CHP1: variants seen among roughly 807,000 people sequenced by gnomAD.
CHP1 encodes calcineurin like EF-hand protein 1, also known as calcineurin B homologous protein 1.
A neutral mutation model predicts 27.4 loss-of-function variants in CHP1; 11 were observed. The ratio of observed to expected loss-of-function variants is 0.40; its 90% confidence interval spans 0.25 to 0.67. The LOEUF (loss-of-function observed/expected upper bound fraction) is 0.67, where lower values mean the gene tolerates loss of function less well. CHP1 is among the 30% of genes least tolerant of loss of function. CHP1 has a pLI of 0.38. For missense variants in CHP1, 169 were observed against 251.3 expected (o/e 0.67, Z 2.22); for synonymous variants, 89 against 87.4 (o/e 1.02, Z -0.10).
intron 1 of CHP1, among the ~76,000 whole-genome samples, chr15:41,233,406 A>G (rs16971700): frequency 0.3 from 45,528 of 152,076 alleles, 9,790 homozygotes; most frequent in African/African-American, 0.61. Flanking sequence ...AATGGAAATG[A>G]CCTGGATGGG....
chr15:41,277,654 G>T (rs2047525733), intron 5 of CHP1, among the ~76,000 whole-genome samples: 1 of 152,166 alleles, frequency 6.6e-6, no homozygotes, highest in Non-Finnish European at 1.5e-5. Flanking sequence ...TGGGTGTGGT[G>T]TCACATCCCT....
intron 1 of CHP1, among the ~76,000 whole-genome samples, chr15:41,241,400 G>C (rs949840644): frequency 1.5e-4 from 23 of 152,212 alleles, no homozygotes; most frequent in Non-Finnish European, 3.2e-4. Flanking sequence ...CCATGTGCCT[G>C]GCACTTTGCC....
intron 2 of CHP1, among the ~76,000 whole-genome samples, chr15:41,245,378 G>A (rs564177971): frequency 1.3e-4 from 20 of 152,322 alleles, no homozygotes; most frequent in African/African-American, 4.6e-4. Context: ...CTACTCAGGA[G>A]GCTGAGGCAG....
chr15:41,244,379 A>G (rs1173237658), intron 2 of CHP1, among the ~76,000 whole-genome samples: 2 of 152,042 alleles, frequency 1.3e-5, no homozygotes, highest in African/African-American at 4.8e-5. Flanking sequence ...GGCTTTTAGG[A>G]AGTTGACCCA....
chr15:41,274,974 C>T (rs779428908), intron 5 of CHP1, among the ~76,000 whole-genome samples: 5 of 151,290 alleles, frequency 3.3e-5, no homozygotes, highest in East Asian at 2.0e-4. Flanking sequence ...TATTCTTAGT[C>T]GAGACGGGTT....
intron 1 of CHP1, among the ~76,000 whole-genome samples, chr15:41,238,202 G>C (rs924430087): frequency 6.6e-6 from 1 of 151,644 alleles, no homozygotes; most frequent in Non-Finnish European, 1.5e-5. Flanking sequence ...CTGTCACCCA[G>C]GTTGGAGTGG....
intron 4 of CHP1, among the ~76,000 whole-genome samples, chr15:41,266,918 T>G (rs750730231): frequency 6.6e-6 from 1 of 151,958 alleles, no homozygotes; most frequent in African/African-American, 2.4e-5. Context: ...GAGAATTGCT[T>G]GAACCCAGGA....
At chr15:41,252,927 G>GTTTTT (rs144891496) in intron 2 of CHP1, among the ~76,000 whole-genome samples, 7 of 65,790 alleles carry the variant, frequency 1.1e-4, no homozygotes, top group South Asian at 8.3e-4. Context: ...ATTTCACATG[G>GTTTTT]TTTTTTTTTT....
chr15:41,252,436 G>A (rs962795118), intron 2 of CHP1, among the ~76,000 whole-genome samples: 3 of 152,140 alleles, frequency 2.0e-5, no homozygotes, highest in Admixed American at 2.0e-4. Flanking sequence ...CAAAGTGCTG[G>A]AATTACAGGA....
At chr15:41,242,914 G>A (rs1342893810) in intron 1 of CHP1, among the ~76,000 whole-genome samples, 5 of 152,050 alleles carry the variant, frequency 3.3e-5, no homozygotes, top group African/African-American at 1.2e-4. Context: ...TTGCACTCCA[G>A]CCTGGGCAAC....
chr15:41,234,024 C>T (rs888284416), intron 1 of CHP1: 2 of 152,218 alleles, frequency 1.3e-5, no homozygotes, highest in Non-Finnish European at 1.5e-5. Flanking sequence ...GCATAGCTCA[C>T]TGCAAGCCTT....
intron 1 of CHP1, among the ~76,000 whole-genome samples, chr15:41,242,591 C>G (rs2047312246): frequency 6.6e-6 from 1 of 151,572 alleles, no homozygotes; most frequent in African/African-American, 2.4e-5. Context: ...TGCACTCCAG[C>G]CTGGGCGACA....
At chr15:41,263,877 GAA>G (rs1297142964) in intron 4 of CHP1, among the ~76,000 whole-genome samples, 2 of 152,116 alleles carry the variant, frequency 1.3e-5, no homozygotes, top group African/African-American at 4.8e-5. Flanking sequence ...TCTCAACAAA[GAA>G]AAGAAAACAA....
intron 2 of CHP1, among the ~76,000 whole-genome samples, chr15:41,244,997 G>T (rs557338254): frequency 4.6e-5 from 7 of 152,092 alleles, no homozygotes; most frequent in Non-Finnish European, 8.8e-5. Context: ...CTAAGCCTTT[G>T]GACGTAATCA....
chr15:41,270,129 A>G (rs561108167), intron 4 of CHP1, among the ~76,000 whole-genome samples: 87 of 152,208 alleles, frequency 5.7e-4, no homozygotes, highest in African/African-American at 2.0e-3. Context: ...TTTGCCCAGG[A>G]GGCTCTATTC....
At chr15:41,253,833 C>G (rs746860465) in intron 2 of CHP1, among the ~76,000 whole-genome samples, 1 of 151,824 alleles carries the variant, frequency 6.6e-6, no homozygotes, top group Non-Finnish European at 1.5e-5. Flanking sequence ...CACCCAGGCT[C>G]GAGGGCAGTG....
chr15:41,232,345 G>A (rs1477605553), intron 1 of CHP1, among the ~76,000 whole-genome samples: 1 of 151,810 alleles, frequency 6.6e-6, no homozygotes, highest in Non-Finnish European at 1.5e-5. Context: ...CAGGTAGCTG[G>A]GAGTACAGGT....
At chr15:41,275,575 TTGAC>T (rs1298998066) in intron 5 of CHP1, among the ~76,000 whole-genome samples, 1 of 152,186 alleles carries the variant, frequency 6.6e-6, no homozygotes. Flanking sequence ...GATTGGTTGA[TTGAC>T]TGATAGGGTC....
chr15:41,265,687 G>A (rs1452653087), intron 4 of CHP1, among the ~76,000 whole-genome samples: 1 of 150,844 alleles, frequency 6.6e-6, no homozygotes, highest in Non-Finnish European at 1.5e-5. Context: ...CTCCAGCCTG[G>A]GCAACAGAGC....
Sources: allele counts gnomAD v4.1 joint callset (sites outside exome capture counted in the v4.1 genomes callset), GRCh38; gene constraint gnomAD v4.1.1; transcripts MANE v1.5; gene names NCBI Gene and HGNC (gene_info 2026-07-23, HGNC 2026-07-21).